MAPK10: variants seen among roughly 807,000 people sequenced by gnomAD.
The protein encoded by MAPK10 is JNK3 alpha protein kinase.
In MAPK10, 25 loss-of-function variants were observed where a neutral mutation model predicts 59.3. That is an observed-to-expected ratio of 0.42 (90% CI 0.31 to 0.59). The LOEUF (loss-of-function observed/expected upper bound fraction) is 0.59. Among genes scored for constraint, MAPK10 ranks in the 20% least tolerant of loss-of-function variants. The pLI is 0.15. For synonymous variants in MAPK10, 190 were observed against 200.5 expected (o/e 0.95, Z 0.44); for missense variants, 351 against 568.9 (o/e 0.62, Z 3.90).
At chr4:86,227,531 G>A (rs558266004) in intron 2 of MAPK10, among the ~76,000 whole-genome samples, 62 of 150,994 alleles carry the variant, frequency 4.1e-4, no homozygotes, top group South Asian at 2.1e-3. Flanking sequence ...GAAAAAAGAC[G>A]CATAGATGGT....
At chr4:86,288,331 C>G (rs1478992235) in intron 2 of MAPK10, among the ~76,000 whole-genome samples, 1 of 115,262 alleles carries the variant, frequency 8.7e-6, no homozygotes, top group African/African-American at 3.3e-5. Flanking sequence ...TCCCTCCCCC[C>G]ACCCCACAAC....
At chr4:86,258,601 A>G (rs1192479766) in intron 2 of MAPK10, among the ~76,000 whole-genome samples, 2 of 152,056 alleles carry the variant, frequency 1.3e-5, no homozygotes, top group Non-Finnish European at 2.9e-5. Context: ...CCTCTATCCA[A>G]TGCAATCTGC....
intron 1 of MAPK10, among the ~76,000 whole-genome samples, chr4:86,559,664 G>A (rs1760522481): frequency 6.6e-6 from 1 of 152,040 alleles, no homozygotes; most frequent in Non-Finnish European, 1.5e-5. Flanking sequence ...CAGGCGTGGT[G>A]GCTCATGCCT....
At chr4:86,121,819 T>G (rs1056264756) in intron 4 of MAPK10, among the ~76,000 whole-genome samples, 1 of 152,140 alleles carries the variant, frequency 6.6e-6, no homozygotes, top group African/African-American at 2.4e-5. Flanking sequence ...TTGAACTTAT[T>G]TCTCCTGTCA....
At chr4:86,076,647 C>G (rs927035942) in intron 9 of MAPK10, among the ~76,000 whole-genome samples, 1 of 152,030 alleles carries the variant, frequency 6.6e-6, no homozygotes, top group Non-Finnish European at 1.5e-5. Context: ...GTCTATCAGG[C>G]CAACATATTC....
At chr4:86,287,056 A>G (rs2095041334) in intron 2 of MAPK10, among the ~76,000 whole-genome samples, 1 of 152,232 alleles carries the variant, frequency 6.6e-6, no homozygotes, top group Non-Finnish European at 1.5e-5. Context: ...TTTCAGTTCA[A>G]TGAGGAAAAC....
At chr4:86,528,096 C>T (rs534818262) in intron 1 of MAPK10, among the ~76,000 whole-genome samples, 1 of 152,244 alleles carries the variant, frequency 6.6e-6, no homozygotes, top group South Asian at 2.1e-4. Context: ...CAAACCTTAG[C>T]ACCACACAAT....
At chr4:86,549,968 AATCTTAC>A (rs1490781688) in intron 1 of MAPK10, among the ~76,000 whole-genome samples, 2 of 152,196 alleles carry the variant, frequency 1.3e-5, no homozygotes, top group East Asian at 3.8e-4. Flanking sequence ...CCAGAAAATA[AATCTTAC>A]AAGTGATCTG....
intron 4 of MAPK10, among the ~76,000 whole-genome samples, chr4:86,155,609 G>C (rs1386620276): frequency 1.3e-5 from 2 of 151,936 alleles, no homozygotes; most frequent in Non-Finnish European, 2.9e-5. Flanking sequence ...CTATGATAAA[G>C]TGTAATTTAT....
intron 2 of MAPK10, among the ~76,000 whole-genome samples, chr4:86,283,056 A>T (rs761985482): frequency 6.6e-6 from 1 of 152,224 alleles, no homozygotes; most frequent in African/African-American, 2.4e-5. Context: ...CTTATTCAAT[A>T]AAAACACTAT....
intron 3 of MAPK10, among the ~76,000 whole-genome samples, chr4:86,177,868 G>A (rs1289285546): frequency 6.6e-6 from 1 of 151,996 alleles, no homozygotes; most frequent in Non-Finnish European, 1.5e-5. Flanking sequence ...TACACATATA[G>A]TGCTTTTATT....
chr4:86,394,013 G>C (rs1042440211), intron 1 of MAPK10, among the ~76,000 whole-genome samples: 1 of 152,220 alleles, frequency 6.6e-6, no homozygotes, highest in Non-Finnish European at 1.5e-5. Flanking sequence ...GCTCAAACTT[G>C]TAATCCCAGC....
chr4:86,146,476 G>A (rs2065032316), intron 4 of MAPK10, among the ~76,000 whole-genome samples: 1 of 152,042 alleles, frequency 6.6e-6, no homozygotes, highest in Admixed American at 6.6e-5. Flanking sequence ...TCCTTTTCTT[G>A]GGCACACAGC....
At chr4:86,042,604 C>T (rs1040939269) in intron 11 of MAPK10, among the ~76,000 whole-genome samples, 10 of 151,884 alleles carry the variant, frequency 6.6e-5, no homozygotes, top group African/African-American at 2.4e-4. Flanking sequence ...AAAATGCAAG[C>T]AAAAAGTTGT....
intron 2 of MAPK10, among the ~76,000 whole-genome samples, chr4:86,207,799 C>G (rs1202340652): frequency 1.3e-5 from 2 of 152,046 alleles, no homozygotes; most frequent in Non-Finnish European, 2.9e-5. Flanking sequence ...CTTTTATTCT[C>G]TTTGAAGCAA....
At chr4:86,181,922 A>T (rs1223041600) in intron 3 of MAPK10, among the ~76,000 whole-genome samples, 1 of 152,130 alleles carries the variant, frequency 6.6e-6, no homozygotes, top group East Asian at 1.9e-4. Flanking sequence ...CAAAGTTCCA[A>T]AAAGAACACT....
At position 86,461,097 on chromosome 4, in the gene MAPK10, G is replaced by A. The variant is rs573912149; in HGVS notation, c.-262-106453C>T. ...GTCATTGGAGTGATGGTTGGAGAAC[G>A]TGGAACTAAGCTGGAGGACACCTGA... is the stretch of plus-strand genomic sequence containing the variant. On this transcript the variant is annotated intron_variant, in intron 1 of 4. Transcript: ENST00000502302. Among the ~76,000 whole-genome samples the A allele has an allele frequency of 4.6e-5, 7 of 151,278 alleles. No homozygotes were observed. The East Asian group carries it at 7.9e-4, about 17-fold the overall frequency.
intron 2 of MAPK10, among the ~76,000 whole-genome samples, chr4:86,219,611 G>T (rs2088902243): frequency 6.6e-6 from 1 of 151,852 alleles, no homozygotes; most frequent in African/African-American, 2.4e-5. Flanking sequence ...TTATTGTTTT[G>T]AAATAATTAA....
intron 3 of MAPK10, among the ~76,000 whole-genome samples, chr4:86,177,897 T>C (rs1334565699): frequency 1.3e-5 from 2 of 152,112 alleles, no homozygotes; most frequent in African/African-American, 4.8e-5. Context: ...GAATAAAATA[T>C]ATTTTAATTA....
Sources: allele counts gnomAD v4.1 joint callset (sites outside exome capture counted in the v4.1 genomes callset), GRCh38; gene constraint gnomAD v4.1.1; transcripts MANE v1.5; gene names NCBI Gene and HGNC (gene_info 2026-07-23, HGNC 2026-07-21).